The following ZNF540 variants were observed in gnomAD, a reference collection of about 807,000 sequenced individuals.
ZNF540 encodes the protein CTD-3064H18.6.
In ZNF540, 3 loss-of-function variants were observed where a neutral mutation model predicts 11.8. The ratio of observed to expected loss-of-function variants is 0.25; its 90% CI spans 0.12 to 0.65. ZNF540 has a LOEUF of 0.65. Among genes scored for constraint, ZNF540 ranks in the 30% least tolerant of loss-of-function variants. ZNF540 has a pLI of 0.83. For synonymous variants in ZNF540, 247 were observed against 259.0 expected, an observed-to-expected ratio of 0.95 and a Z score of 0.45; for missense variants, 709 against 793.1, an observed-to-expected ratio of 0.89 and a Z score of 1.27.
intron 1 of ZNF540, among the ~76,000 whole-genome samples, chr19:37,551,839 G>GT (rs2042609336): frequency 1.3e-5 from 2 of 151,974 alleles, no homozygotes; most frequent in African/African-American, 2.4e-5. Context: ...TGTGTGGGGG[G>GT]GGTGGTGTCT....
At chr19:37,555,033 G>C (rs2042645056) in intron 1 of ZNF540, 1 of 152,208 alleles carries the variant, frequency 6.6e-6, no homozygotes, top group Admixed American at 6.6e-5. Context: ...GGGGCTTTGG[G>C]CGTTATCAAT....
intron 1 of ZNF540, among the ~76,000 whole-genome samples, chr19:37,598,001 T>C (rs1471353659): frequency 6.6e-6 from 1 of 152,218 alleles, no homozygotes; most frequent in Non-Finnish European, 1.5e-5. Context: ...CCTAAGGCCA[T>C]GAAGGCAGTC....
intron 1 of ZNF540, among the ~76,000 whole-genome samples, chr19:37,575,322 T>C (rs1377992775): frequency 1.3e-5 from 2 of 152,354 alleles, no homozygotes; most frequent in Middle Eastern, 3.4e-3. Flanking sequence ...CCCATGCATA[T>C]AAGCATATAC....
intron 4 of ZNF540, among the ~76,000 whole-genome samples, chr19:37,605,579 C>T (rs1007236868): frequency 2.0e-5 from 3 of 152,036 alleles, no homozygotes; most frequent in African/African-American, 4.8e-5. Context: ...AACTGGAAGG[C>T]GGAGGTTGCA....
intron 2 of ZNF540, 69 bp from the exon 3 acceptor site, chr19:37,599,557 T>C: frequency 1.3e-6 from 2 of 1,596,790 alleles, no homozygotes; most frequent in South Asian, 1.1e-5. Context: ...AAACCTTTTA[T>C]CTCCTTTTCT....
intron 1 of ZNF540, chr19:37,583,987 G>A: frequency 1.2e-6 from 2 of 1,611,962 alleles, no homozygotes; most frequent in Non-Finnish European, 1.7e-6. Flanking sequence ...AGATCAGGTT[G>A]CTGTAGTTCT....
At chr19:37,566,387 G>T in intron 1 of ZNF540, 2 of 1,364,994 alleles carry the variant, frequency 1.5e-6, no homozygotes, top group East Asian at 4.6e-5. Context: ...TTCTCATTAA[G>T]AATAGAATGG....
intron 1 of ZNF540, 24 bp from the exon 2 acceptor site, chr19:37,598,352 T>G: frequency 1.6e-6 from 2 of 1,259,710 alleles, no homozygotes; most frequent in Non-Finnish European, 2.3e-6. Flanking sequence ...TCTCACTGTC[T>G]CATTTTTTTC....
At chr19:37,557,782 G>C (rs1023416502) in intron 1 of ZNF540, among the ~76,000 whole-genome samples, 1 of 152,062 alleles carries the variant, frequency 6.6e-6, no homozygotes, top group Admixed American at 6.6e-5. Flanking sequence ...ACATCCATTC[G>C]CCAGAAGCAC....
At chr19:37,590,990 T>G (rs2043853007), upstream of ZNF540, among the ~76,000 whole-genome samples, 1 of 152,224 alleles carries the variant, frequency 6.6e-6, no homozygotes, top group Admixed American at 6.5e-5. Flanking sequence ...ACCAAGATTG[T>G]TAGCATAAAA....
At chr19:37,599,178 C>CGATAGATA (rs10550158) in intron 2 of ZNF540, among the ~76,000 whole-genome samples, 2 of 151,086 alleles carry the variant, frequency 1.3e-5, no homozygotes, top group East Asian at 1.9e-4. Flanking sequence ...ATCGATTGAT[C>CGATAGATA]GATAGATAGA....
chr19:37,609,620 A>G (rs759320972), intron 4 of ZNF540, among the ~76,000 whole-genome samples: 3 of 150,842 alleles, frequency 2.0e-5, no homozygotes, highest in Non-Finnish European at 4.4e-5. Context: ...GGCCGAGACA[A>G]GTGGATCACC....
intron 1 of ZNF540, chr19:37,584,023 C>T: frequency 6.2e-7 from 1 of 1,613,980 alleles, no homozygotes; most frequent in Non-Finnish European, 8.5e-7. Flanking sequence ...TGTACAAGTC[C>T]CTCTGAGCAG....
chr19:37,553,113 CTTTTTTTTTTTTTTTTTTTTTTTT>C (rs746114598), intron 1 of ZNF540, among the ~76,000 whole-genome samples: 8 of 33,130 alleles, frequency 2.4e-4, no homozygotes, highest in South Asian at 2.2e-3. Context: ...AACCTAACAT[CTTTTTTTTTTTTTTTTTTTTTTTT>C]TTTTTTTTTT....
intron 1 of ZNF540, chr19:37,586,669 T>C: frequency 4.3e-6 from 7 of 1,614,064 alleles, no homozygotes; most frequent in Non-Finnish European, 5.9e-6. Context: ...GCAACTCACG[T>C]GGGGCATGGT....
chr19:37,555,740 A>G, intron 1 of ZNF540: 1 of 610,376 alleles, frequency 1.6e-6, no homozygotes, highest in East Asian at 2.7e-5. Flanking sequence ...TTGGATGGTG[A>G]ACATAGTCCC....
At chr19:37,605,123 G>A (rs1209992094) in intron 4 of ZNF540, among the ~76,000 whole-genome samples, 1 of 152,072 alleles carries the variant, frequency 6.6e-6, no homozygotes, top group East Asian at 1.9e-4. Context: ...TTGTTACCTC[G>A]GGTTAAACAC....
intron 1 of ZNF540, chr19:37,554,849 C>T (rs4803231): frequency 0.26 from 39,170 of 151,716 alleles, 5,769 homozygotes; most frequent in East Asian, 0.63. Flanking sequence ...TCTCTCGGCC[C>T]GAAGAAGGGG....
chr19:37,589,390 C>A (rs1272866381), intron 1 of ZNF540, among the ~76,000 whole-genome samples: 2 of 151,276 alleles, frequency 1.3e-5, no homozygotes, highest in African/African-American at 4.9e-5. Flanking sequence ...AAATAAAAAA[C>A]AGAGTCCTAA....
Sources: gnomAD v4.1 joint callset for allele counts (sites outside exome capture counted in the v4.1 genomes callset) on GRCh38, gnomAD v4.1.1 for gene constraint, MANE v1.5 for transcripts, NCBI Gene and HGNC (gene_info 2026-07-23, HGNC 2026-07-21) for gene names.